Variants in PREX1 observed in about 807,000 individuals in gnomAD.
PREX1 encodes phosphatidylinositol 3,4,5-trisphosphate-dependent Rac exchanger 1 protein.
PREX1 carries 41 observed loss-of-function variants against 198.3 expected under a neutral mutation model. The observed-to-expected ratio is 0.21, with a 90% CI of 0.16 to 0.27. The LOEUF is 0.27. Ranked by LOEUF, PREX1 falls within the 10% of genes least tolerant of loss-of-function variation. The probability of loss-of-function intolerance (pLI) is 1.00; values close to 1 mark genes in which losing one functional copy is unlikely to be tolerated. For missense variants in PREX1, 1,620 were observed against 2,200.7 expected (o/e 0.74, Z 5.28); for synonymous variants, 843 against 887.2 (o/e 0.95, Z 0.89).
At chr20:48,689,513 G>GCCCT (rs1449546233) in intron 9 of PREX1, among the ~76,000 whole-genome samples, 1 of 152,090 alleles carries the variant, frequency 6.6e-6, no homozygotes, top group African/African-American at 2.4e-5. Flanking sequence ...GACCACCCCA[G>GCCCT]CCCTGAGGTC....
the PREX1 span, among the ~76,000 whole-genome samples, chr20:48,847,259 G>A: frequency 6.6e-6 from 1 of 151,674 alleles, no homozygotes; most frequent in South Asian, 2.1e-4. Context: ...AGAGATTTGG[G>A]GGAGAGATCA....
chr20:48,703,831 C>T (rs1179670816), intron 6 of PREX1, among the ~76,000 whole-genome samples: 1 of 152,200 alleles, frequency 6.6e-6, no homozygotes, highest in East Asian at 1.9e-4. Context: ...CCCCCTCCAC[C>T]CCAGCCCTGC....
Position 48,655,344 on chromosome 20 carries a change from G to C in PREX1, c.2155C>G (p.Leu719Val). ...GCAGCTCCACGAATCTGGAAGCACA[G>C]TGTGTCCGGCTGGTCGGGGATTTTG... is the stretch of plus-strand genomic sequence containing the variant. ...IIKIPDQPDT[L>V]CFQIRGAAPP... Residue 719 changes from leucine to valine, a missense_variant, in exon 19 of 40, where the codon CTG becomes GTG. Leu to Val is a conservative substitution (Grantham distance 32, BLOSUM62 1). Transcript: ENST00000371941. The C allele has an allele frequency of 1.3e-6, 2 of 1,599,006 alleles. No homozygotes were observed. Among genetic ancestry groups the C allele is most frequent in the Non-Finnish European group, 1.7e-6 (2 of 1,171,142 alleles).
Position 48,827,892 on chromosome 20 carries a change from C to CCTCGCGCGGAG in PREX1, c.-33_-32insCTCCGCGCGAG, listed in dbSNP as rs544666696. ...GCGGCCGCGCGGCGCCGGCTCCTTC[C>CCTCGCGCGGAG]GTCGCGCCGAGCGGCAACTCAGGCG... On this transcript the variant is annotated 5_prime_UTR_variant, in exon 1 of 40. Transcript: ENST00000371941. The surrounding 1 kb of genome is among the most constrained non-coding windows in gnomAD (Gnocchi z 4.1). 2.1e-6 allele frequency: 2 copies of CCTCGCGCGGAG among 940,794 alleles called. No individual in the cohort carries two copies. Among genetic ancestry groups the CCTCGCGCGGAG allele is most frequent in the Admixed American group, 6.4e-5 (1 of 15,732 alleles). 58.3% of individuals were successfully genotyped at this position (940,794 alleles called of 1,614,324 possible). A position where few individuals can be genotyped will look rare whatever the true frequency, so the allele number is the denominator to read the frequency against.
chr20:48,688,755 C>T lies in PREX1; in HGVS notation c.1236G>A (p.Lys412=), dbSNP rs1392274443. The change falls in exon 10 of 40, where the codon AAG becomes AAA. Residue 412 remains lysine (K), a synonymous_variant. Coordinates refer to ENST00000371941, the MANE Select transcript of PREX1 (RefSeq NM_020820.4). ...TCATCATGTGGTACAGCTTCTCCCC[C>T]TTCTCCGCAATCATGACGTAGGCAT... is the stretch of plus-strand genomic sequence containing the variant. ...ERDAYVMIAE[K]GEKLYHMMMN... The T allele has an allele frequency of 2.5e-6, 4 of 1,614,218 alleles. No homozygotes were observed. The highest frequency in any genetic ancestry group is 1.1e-5 in the South Asian group (1 of 91,088).
intron 1 of PREX1, among the ~76,000 whole-genome samples, chr20:48,824,289 G>A (rs1427257991): frequency 2.6e-5 from 4 of 152,182 alleles, no homozygotes; most frequent in Non-Finnish European, 5.9e-5. Context: ...GTTCCTGAAG[G>A]AGATGGGGAA....
At chr20:48,643,311 A>G (rs1199757985) in intron 27 of PREX1, among the ~76,000 whole-genome samples, 1 of 152,208 alleles carries the variant, frequency 6.6e-6, no homozygotes, top group Admixed American at 6.5e-5. Context: ...TCTACTAAAA[A>G]TACAAAAATT....
chr20:48,676,147 C>T (rs376418744), intron 14 of PREX1, 46 bp downstream of exon 14: 45 of 1,562,360 alleles, frequency 2.9e-5, no homozygotes, highest in South Asian at 5.6e-5. Flanking sequence ...CCCACACTGA[C>T]GGACAAAGCA....
chr20:48,717,227 GA>G (rs2089966065), intron 5 of PREX1, among the ~76,000 whole-genome samples: 1 of 150,978 alleles, frequency 6.6e-6, no homozygotes, highest in Non-Finnish European at 1.5e-5. Flanking sequence ...TCCACAAAGA[GA>G]AAAAGGCAGG....
At chr20:48,856,652 G>A in the PREX1 span, among the ~76,000 whole-genome samples, 22 of 152,278 alleles carry the variant, frequency 1.4e-4, no homozygotes, top group Admixed American at 1.3e-3. Context: ...TTCCTAAAAG[G>A]TTGTTACTTC....
the PREX1 span, among the ~76,000 whole-genome samples, chr20:48,860,003 G>A: frequency 2.0e-5 from 3 of 152,184 alleles, no homozygotes; most frequent in Admixed American, 1.3e-4. Flanking sequence ...GGGCAACAGA[G>A]TGTGACTCTG....
At chr20:48,786,357 C>G (rs1189635706) in intron 1 of PREX1, among the ~76,000 whole-genome samples, 2 of 152,086 alleles carry the variant, frequency 1.3e-5, no homozygotes, top group African/African-American at 4.8e-5. Context: ...GACCCTAGAA[C>G]CTGGGCCCAA....
intron 1 of PREX1, among the ~76,000 whole-genome samples, chr20:48,762,148 C>T (rs1486087679): frequency 6.6e-6 from 1 of 152,232 alleles, no homozygotes; most frequent in African/African-American, 2.4e-5. Context: ...GATCTTTTTC[C>T]TGCTAAGTCT....
rs141411540 is a variant in PREX1, at chr20:48,693,478, C to T, written c.918-688G>A. ...TCCACCACGGGAGGACACAGCAAGA[C>T]GGCACCATCTATGAAGCAGAAAGCA... On this transcript the variant is annotated intron_variant, in intron 7 of 39. Coordinates refer to ENST00000371941, the MANE Select transcript of PREX1 (RefSeq NM_020820.4). 1.6e-3 allele frequency among the ~76,000 whole-genome samples: 241 copies of T among 152,362 alleles called. 1 individual carries two copies. Among genetic ancestry groups the T allele is most frequent in the African/African-American group, 5.5e-3 (227 of 41,580 alleles).
intron 14 of PREX1, among the ~76,000 whole-genome samples, chr20:48,675,423 G>A (rs920115365): frequency 1.3e-5 from 2 of 152,208 alleles, no homozygotes; most frequent in African/African-American, 4.8e-5. Context: ...ACAATCAATG[G>A]AATATTATTC....
intron 1 of PREX1, among the ~76,000 whole-genome samples, chr20:48,751,067 T>C (rs573070440): frequency 3.3e-5 from 5 of 152,322 alleles, no homozygotes; most frequent in African/African-American, 9.6e-5. Context: ...GGGCCAAATG[T>C]AGTGCTCAGC....
intron 10 of PREX1, among the ~76,000 whole-genome samples, chr20:48,682,636 G>A (rs2089759218): frequency 6.6e-6 from 1 of 152,208 alleles, no homozygotes; most frequent in South Asian, 2.1e-4. Context: ...GTGCTCCCAG[G>A]CCAGAGGAAG....
intron 15 of PREX1, 134 bp from the exon 16 acceptor site, chr20:48,660,195 G>A: frequency 9.6e-7 from 1 of 1,037,250 alleles, no homozygotes; most frequent in Non-Finnish European, 1.4e-6. Context: ...CTATTAAAAT[G>A]GAATCATATG....
chr20:48,819,675 C>A (rs1014180004), intron 1 of PREX1, among the ~76,000 whole-genome samples: 2 of 152,216 alleles, frequency 1.3e-5, no homozygotes, highest in African/African-American at 4.8e-5. Flanking sequence ...TGGAACAGAG[C>A]AAGGCCTCAG....
Sources: allele counts gnomAD v4.1 joint callset (sites outside exome capture counted in the v4.1 genomes callset), GRCh38; gene constraint gnomAD v4.1.1; non-coding constraint Gnocchi (gnomAD v3.1); transcripts MANE v1.5; gene names NCBI Gene and HGNC (gene_info 2026-07-23, HGNC 2026-07-21).